Variants in MALRD1 observed in about 807,000 individuals in gnomAD.
The protein encoded by MALRD1 is MAM and LDL-receptor class A domain-containing protein 1.
Under a neutral mutation model 242.1 loss-of-function variants are expected in MALRD1, and 247 were observed. That is an observed-to-expected ratio of 1.02 (90% CI 0.92 to 1.13). The LOEUF (loss-of-function observed/expected upper bound fraction) is 1.13, where lower values mean the gene tolerates loss of function less well. Among genes scored for constraint, MALRD1 ranks in the 50% most tolerant of loss-of-function variants. MALRD1 has a pLI of 0.00. For missense variants in MALRD1, 2,989 were observed against 2,533.1 expected (o/e 1.18, Z -3.86); for synonymous variants, 995 against 866.6 (o/e 1.15, Z -2.60).
Position 19,105,698 on chromosome 10 carries a change from T to C in MALRD1, c.694+1623T>C, listed in dbSNP as rs577272169. Reference sequence around the variant, plus strand: ...CACATCCGAACCAGCATTTATTAACTTTGACTTTTTGATAGTAGCCATTCT... The same window carrying C: ...CACATCCGAACCAGCATTTATTAACCTTGACTTTTTGATAGTAGCCATTCT... On this transcript the variant is annotated intron_variant, in intron 5 of 39. Transcript: ENST00000454679. Among the ~76,000 whole-genome samples, 7 of 152,154 alleles carry C rather than the reference T, an allele frequency of 4.6e-5. No individual in the cohort carries two copies. The East Asian group carries it at 1.4e-3, about 29-fold the overall frequency.
intron 36 of MALRD1, among the ~76,000 whole-genome samples, chr10:19,688,038 C>G (rs186682750): frequency 6.6e-6 from 1 of 151,938 alleles, no homozygotes; most frequent in Non-Finnish European, 1.5e-5. Flanking sequence ...GGAGTGATCT[C>G]GAGTCACTGC....
At chr10:19,449,417 C>T (rs898156866) in intron 28 of MALRD1, among the ~76,000 whole-genome samples, 13 of 151,982 alleles carry the variant, frequency 8.6e-5, no homozygotes, top group African/African-American at 1.5e-4. Flanking sequence ...TCTTGTGATC[C>T]GAGTAGAGCA....
At chr10:19,227,760 A>G (rs1429544962) in intron 18 of MALRD1, among the ~76,000 whole-genome samples, 3 of 152,160 alleles carry the variant, frequency 2.0e-5, no homozygotes, top group Admixed American at 6.6e-5. Context: ...AAATAACAAA[A>G]CACAGATAAC....
At chr10:19,295,242 A>G (rs945981767) in intron 21 of MALRD1, among the ~76,000 whole-genome samples, 29 of 152,212 alleles carry the variant, frequency 1.9e-4, no homozygotes, top group African/African-American at 6.3e-4. Flanking sequence ...CGTAATTTAG[A>G]CATTTGATAA....
chr10:19,146,447 G>T, intron 11 of MALRD1, 103 bp downstream of exon 11: 1 of 1,037,952 alleles, frequency 9.6e-7, no homozygotes. Flanking sequence ...TGTATACATG[G>T]AACTCTGGTT....
At chr10:19,049,594 A>G (rs540867741) in intron 1 of MALRD1, among the ~76,000 whole-genome samples, 3 of 152,302 alleles carry the variant, frequency 2.0e-5, no homozygotes, top group African/African-American at 4.8e-5. Context: ...GTTGGTACCA[A>G]TTGCATGTGG....
At chr10:19,635,946 G>T (rs913928931) in intron 36 of MALRD1, among the ~76,000 whole-genome samples, 1 of 151,764 alleles carries the variant, frequency 6.6e-6, no homozygotes, top group African/African-American at 2.4e-5. Context: ...TGTCACCCAG[G>T]CTGGAGTGCA....
intron 26 of MALRD1, among the ~76,000 whole-genome samples, chr10:19,383,845 T>C (rs987665922): frequency 2.6e-5 from 4 of 151,846 alleles, no homozygotes; most frequent in East Asian, 1.9e-4. Context: ...ATGGAAATAG[T>C]ACATTCTCCA....
chr10:19,486,876 T>A (rs1025541138), intron 29 of MALRD1, among the ~76,000 whole-genome samples: 7 of 152,168 alleles, frequency 4.6e-5, no homozygotes, highest in Non-Finnish European at 2.9e-5. Context: ...TTTCAATTGA[T>A]GTCACTTTCA....
At position 19,280,137 on chromosome 10, in the gene MALRD1, G is replaced by C. The variant is rs1840736748; in HGVS notation, c.3170G>C (p.Cys1057Ser). Reference sequence around the variant, plus strand: ...AACTGCACAGACAATGAATTTATCTGCAGGTCTGATGGTCACTGCATTGAA... The same window carrying C: ...AACTGCACAGACAATGAATTTATCTCCAGGTCTGATGGTCACTGCATTGAA... ...PHNCTDNEFI[C>S]RSDGHCIEKM... The change falls in exon 20 of 40, where the codon TGC becomes TCC. Residue 1057 changes from cysteine (C) to serine (S), a missense_variant. Physicochemically the swap from Cys to Ser is moderately radical, Grantham distance 112. Transcript: ENST00000454679. 6.5e-7 allele frequency: 1 copy of C among 1,545,740 alleles called. No individual in the cohort carries two copies.
At chr10:19,468,583 A>C (rs1327657921) in intron 29 of MALRD1, among the ~76,000 whole-genome samples, 1 of 152,008 alleles carries the variant, frequency 6.6e-6, no homozygotes, top group African/African-American at 2.4e-5. Context: ...CATTGAAATA[A>C]AGTTGAGTAG....
intron 29 of MALRD1, among the ~76,000 whole-genome samples, chr10:19,480,605 A>G (rs1273605864): frequency 6.6e-6 from 1 of 152,192 alleles, no homozygotes; most frequent in Non-Finnish European, 1.5e-5. Flanking sequence ...GGTAATTAGG[A>G]CATCATTAGA....
chr10:19,618,727 C>G (rs1477139022), intron 36 of MALRD1, among the ~76,000 whole-genome samples: 1 of 151,984 alleles, frequency 6.6e-6, no homozygotes, highest in African/African-American at 2.4e-5. Flanking sequence ...TAAAAAGGCA[C>G]TTTAACCTGT....
At chr10:19,198,812 A>G (rs1836380570) in intron 14 of MALRD1, among the ~76,000 whole-genome samples, 2 of 152,196 alleles carry the variant, frequency 1.3e-5, no homozygotes, top group Non-Finnish European at 2.9e-5. Context: ...ATTTATATAG[A>G]CAGCTTTAAA....
At chr10:19,636,080 T>A (rs1017478323) in intron 36 of MALRD1, among the ~76,000 whole-genome samples, 26 of 152,088 alleles carry the variant, frequency 1.7e-4, no homozygotes, top group African/African-American at 4.6e-4. Context: ...TTTTGGAAAA[T>A]AAAATATTTT....
At chr10:19,391,918 G>A (rs1359435556) in intron 28 of MALRD1, among the ~76,000 whole-genome samples, 2 of 152,200 alleles carry the variant, frequency 1.3e-5, no homozygotes, top group Admixed American at 1.3e-4. Context: ...TGGCTGGGCT[G>A]GAGCCAACCC....
At chr10:19,214,224 C>T (rs1486636620) in intron 18 of MALRD1, among the ~76,000 whole-genome samples, 4 of 152,152 alleles carry the variant, frequency 2.6e-5, no homozygotes, top group African/African-American at 9.7e-5. Context: ...TTCCCCTCAG[C>T]TCAGGGAGAA....
chr10:19,665,500 C>T (rs1195793195), intron 36 of MALRD1, among the ~76,000 whole-genome samples: 1 of 152,040 alleles, frequency 6.6e-6, no homozygotes. Context: ...TGGTAGAGTT[C>T]ATTCTCTGTG....
intron 32 of MALRD1, among the ~76,000 whole-genome samples, chr10:19,563,089 G>A (rs933497785): frequency 6.6e-6 from 1 of 152,140 alleles, no homozygotes; most frequent in African/African-American, 2.4e-5. Context: ...CTGAACCAGA[G>A]ACTGCAAGTC....
Sources: gnomAD v4.1 joint callset for allele counts (sites outside exome capture counted in the v4.1 genomes callset) on GRCh38, gnomAD v4.1.1 for gene constraint, MANE v1.5 for transcripts, NCBI Gene and HGNC (gene_info 2026-07-23, HGNC 2026-07-21) for gene names.